The following ITGAM variants were observed in gnomAD, a reference collection of about 807,000 sequenced individuals.
ITGAM encodes the protein integrin subunit alpha M.
ITGAM carries 79 observed loss-of-function variants against 137.5 expected under a neutral mutation model. That is an observed-to-expected ratio of 0.57 (90% CI 0.48 to 0.69). The LOEUF is 0.69. ITGAM is among the 30% of genes least tolerant of loss of function. The pLI is 0.00. For missense variants in ITGAM, 1,343 were observed against 1,483.5 expected (o/e 0.91, Z 1.56); for synonymous variants, 583 against 592.3 (o/e 0.98, Z 0.23).
intron 6 of ITGAM, 96 bp from the exon 7 acceptor site, chr16:31,271,751 A>G (rs1269573274): frequency 2.1e-6 from 3 of 1,445,822 alleles, no homozygotes; most frequent in African/African-American, 1.4e-5. Context: ...AGGAATTTGG[A>G]GAGTGGAGTG....
At chr16:31,306,111 T>C (rs2080262150) in intron 14 of ITGAM, among the ~76,000 whole-genome samples, 1 of 152,178 alleles carries the variant, frequency 6.6e-6, no homozygotes, top group Non-Finnish European at 1.5e-5. Context: ...TGATTTGATC[T>C]CGCTGCTTGT....
intron 5 of ITGAM, among the ~76,000 whole-genome samples, chr16:31,270,379 GGT>G (rs1290066720): frequency 6.6e-6 from 1 of 151,878 alleles, no homozygotes; most frequent in Non-Finnish European, 1.5e-5. Flanking sequence ...TGGGATTACA[GGT>G]GTGAGCCACC....
chr16:31,263,661 C>A (rs1027580610), intron 2 of ITGAM, among the ~76,000 whole-genome samples: 1 of 136,284 alleles, frequency 7.3e-6, no homozygotes, highest in Non-Finnish European at 1.6e-5. Context: ...GGCCATTTTT[C>A]TTTCTTTTTT....
rs1049088773 is a variant in ITGAM, at chr16:31,298,405, A to G, written c.1707+451A>G. ...TGCATGCGTGCACGTGCACACACACACACACATTCACAGAAATCTCAAAGA... is the reference window on the plus strand; with the variant it reads ...TGCATGCGTGCACGTGCACACACACGCACACATTCACAGAAATCTCAAAGA... On this transcript the variant is annotated intron_variant, in intron 14 of 29. Transcript: ENST00000544665. Among the ~76,000 whole-genome samples, 3 of 152,066 alleles carry G rather than the reference A, an allele frequency of 2.0e-5. No individual in the cohort carries two copies. The South Asian group carries it at 6.2e-4, about 32-fold the overall frequency.
intron 12 of ITGAM, among the ~76,000 whole-genome samples, chr16:31,291,717 A>G (rs1271565517): frequency 6.6e-6 from 1 of 152,064 alleles, no homozygotes; most frequent in Non-Finnish European, 1.5e-5. Flanking sequence ...GTTCTCATTC[A>G]TGTGTAGGAG....
At chr16:31,265,257 C>G in intron 2 of ITGAM, 138 bp from the exon 3 acceptor site, 1 of 489,886 alleles carries the variant, frequency 2.0e-6, no homozygotes, top group South Asian at 3.8e-5. Flanking sequence ...TTTTTCTTTG[C>G]TAATTCTTCC....
intron 12 of ITGAM, among the ~76,000 whole-genome samples, chr16:31,290,080 CAA>C (rs780127045): frequency 0.1 from 5,627 of 55,976 alleles, 369 homozygotes; most frequent in African/African-American, 0.26. Flanking sequence ...AAACTCCATC[CAA>C]AAAAAAAAAA....
chr16:31,326,761 G>C (rs749975518), intron 21 of ITGAM, 95 bp from the exon 22 acceptor site: 1 of 850,426 alleles, frequency 1.2e-6, no homozygotes, highest in African/African-American at 1.7e-5. Flanking sequence ...TGCATGGATG[G>C]GCCATATTTC....
Position 31,331,261 on chromosome 16 carries a change from G to T in ITGAM, c.3373G>T (p.Ala1125Ser), listed in dbSNP as rs1295674529. The change falls in exon 29 of 30, where the codon GCC becomes TCC. Residue 1125 changes from alanine (A) to serine (S), a missense_variant. Physicochemically the swap from Ala to Ser is moderately conservative, Grantham distance 99. Transcript: ENST00000544665. ...GGLLLLALITAALYKLGFFKR... is the reference protein window; with the variant it reads ...GGLLLLALITSALYKLGFFKR... ...ACTGCTGCTCCTGGCCCTCATCACC[G>T]CCGCGCTGTACAAGGTGCTCCCCGC... 3 of 1,608,590 alleles carry T rather than the reference G, an allele frequency of 1.9e-6. No individual in the cohort carries two copies. The highest frequency in any genetic ancestry group is 1.1e-5 in the South Asian group (1 of 90,910).
intron 9 of ITGAM, 35 bp downstream of exon 9, chr16:31,275,734 A>G (rs2079899937): frequency 6.2e-7 from 1 of 1,610,880 alleles, no homozygotes; most frequent in East Asian, 2.2e-5. Context: ...GAGCAGCTCC[A>G]GAGGCAGCCC....
rs763729166 is a variant in ITGAM at position 31,266,095 on chromosome 16, G to A, written c.375G>A (p.Leu125=). ...CGTATGTGAAAGGGCTCTGCTTCCT[G>A]TTTGGATCCAACCTACGGCAGCAGC... ...ENTYVKGLCF[L]FGSNLRQQPQ... Residue 125 remains leucine, a synonymous_variant, in exon 5 of 30, where the codon CTG becomes CTA. Transcript: ENST00000544665. 17 of 1,613,846 alleles carry A rather than the reference G, an allele frequency of 1.1e-5. No individual in the cohort carries two copies. The highest frequency in any genetic ancestry group is 3.3e-5 in the South Asian group (3 of 91,092).
chr16:31,320,905 G>A lies in ITGAM; in HGVS notation c.1708-336G>A, dbSNP rs117428858. The stretch of plus-strand genomic sequence containing the variant: ...AATAGAAATTGGGGTTGGGCGTGGC[G>A]GCTCACACCTATAATCCTAGCACTT... On this transcript the variant is annotated intron_variant, in intron 14 of 29. Transcript: ENST00000544665. 4.5e-3 allele frequency among the ~76,000 whole-genome samples: 680 copies of A among 152,228 alleles called. 5 individuals carry two copies. Among genetic ancestry groups the A allele is most frequent in the Non-Finnish European group, 7.5e-3 (507 of 68,014 alleles).
chr16:31,267,435 C>A (rs140007953), intron 5 of ITGAM, among the ~76,000 whole-genome samples: 2 of 152,030 alleles, frequency 1.3e-5, no homozygotes, highest in African/African-American at 4.8e-5. Flanking sequence ...TCTTAATAAG[C>A]GGTTTTCCAG....
rs200357959 is a variant in ITGAM, at chr16:31,325,384, C to G, written c.2485C>G (p.Arg829Gly). 2.5e-6 allele frequency: 4 copies of G among 1,613,446 alleles called. No individual in the cohort carries two copies. Among genetic ancestry groups the G allele is most frequent in the Middle Eastern group, 1.7e-4 (1 of 6,058 alleles). ...CTTCTTCCCGCTTGACCTGTCCTAC[C>G]GGAAGGTGTCCACGCTCCAGGTAGC... ...TFFFPLDLSY[R>G]KVSTLQNQRS... The change falls in exon 20 of 30, where the codon CGG becomes GGG. Residue 829 changes from arginine to glycine, a missense_variant. Physicochemically the swap from Arg to Gly is moderately radical, Grantham distance 125. Transcript: ENST00000544665.
intron 12 of ITGAM, among the ~76,000 whole-genome samples, chr16:31,278,416 G>A (rs943520013): frequency 3.3e-5 from 5 of 152,068 alleles, no homozygotes; most frequent in Admixed American, 6.6e-5. Flanking sequence ...AAACAATTCC[G>A]TATTCATTGA....
In ITGAM at chr16:31,278,117, C is replaced by T. The variant is rs1225364426; in HGVS notation, c.1356+8C>T. 8.1e-6 allele frequency: 13 copies of T among 1,602,582 alleles called. No individual in the cohort carries two copies. Among genetic ancestry groups the T allele is most frequent in the East Asian group, 2.3e-5 (1 of 44,432 alleles). On this transcript the variant is annotated splice_region_variant and intron_variant, in intron 12 of 29. Coordinates refer to ENST00000544665, the MANE Select transcript of ITGAM (RefSeq NM_000632.4). ...AATGTCAAGGGCACCCAGGTGAGTG[C>T]GGTTTGTGGAGCATGAATGTGCAAA...
At position 31,261,817 on chromosome 16, in the gene ITGAM, C is replaced by T; in HGVS notation, c.134+20C>T. The T allele has an allele frequency of 6.6e-7, 1 of 1,513,146 alleles. No individual in the cohort carries two copies. The highest frequency in any genetic ancestry group is 9.1e-7 in the Non-Finnish European group (1 of 1,093,418). The allele number at this position is 1,513,146 out of a possible 1,614,324, so 93.7% of individuals were successfully genotyped here. A position where few individuals can be genotyped will look rare whatever the true frequency, so the allele number is the denominator to read the frequency against. ...ATCCAGGTGAGACCCTTAGATGGAG[C>T]CCCCTTTCTCAGTGCTTTCTCTCCA... On this transcript the variant is annotated intron_variant, in intron 2 of 29. Coordinates refer to ENST00000544665, the MANE Select transcript of ITGAM (RefSeq NM_000632.4).
chr16:31,284,399 T>G (rs1213988475), intron 12 of ITGAM, among the ~76,000 whole-genome samples: 2 of 152,142 alleles, frequency 1.3e-5, no homozygotes, highest in Non-Finnish European at 2.9e-5. Flanking sequence ...CTGGCCGCTT[T>G]GTTTACCTAC....
At chr16:31,322,379 A>C (rs2144485162) in intron 16 of ITGAM, among the ~76,000 whole-genome samples, 1 of 152,342 alleles carries the variant, frequency 6.6e-6, no homozygotes, top group East Asian at 1.9e-4. Flanking sequence ...CTAGAAATTA[A>C]GAGCAAAATG....
Sources: gnomAD v4.1 joint callset for allele counts (sites outside exome capture counted in the v4.1 genomes callset) on GRCh38, gnomAD v4.1.1 for gene constraint, MANE v1.5 for transcripts, NCBI Gene and HGNC (gene_info 2026-07-23, HGNC 2026-07-21) for gene names.